PGM5: variants seen among roughly 807,000 people sequenced by gnomAD.
PGM5 encodes phosphoglucomutase 5.
Under a neutral mutation model 59.2 loss-of-function variants are expected in PGM5, and 23 were observed. The ratio of observed to expected loss-of-function variants is 0.39; its 90% CI spans 0.28 to 0.55. PGM5 has a LOEUF of 0.55. PGM5 is among the 20% of genes least tolerant of loss of function. The pLI is 0.66. For synonymous variants in PGM5, 214 were observed against 286.0 expected (o/e 0.75, Z 2.54); for missense variants, 574 against 748.3 (o/e 0.77, Z 2.72).
Position 68,481,847 on chromosome 9 carries a change from G to A in PGM5, c.1296-2018G>A, listed in dbSNP as rs7041626. Reference sequence around the variant, plus strand: ...GGAGGAGAAAATACATAGAATGAAAGGTAAACATTTCCTTCAACCCCCAGC... The same window carrying A: ...GGAGGAGAAAATACATAGAATGAAAAGTAAACATTTCCTTCAACCCCCAGC... On this transcript the variant is annotated intron_variant, in intron 8 of 10. Coordinates refer to ENST00000396396, the MANE Select transcript of PGM5 (RefSeq NM_021965.4). 7.9e-3 allele frequency among the ~76,000 whole-genome samples: 1,206 copies of A among 152,210 alleles called. 11 individuals are homozygous for A. Among genetic ancestry groups the A allele is most frequent in the African/African-American group, 0.028 (1,161 of 41,526 alleles).
intron 1 of PGM5, among the ~76,000 whole-genome samples, chr9:68,375,978 T>C (rs1554677600): frequency 6.6e-6 from 1 of 152,236 alleles, no homozygotes; most frequent in Admixed American, 6.5e-5. Context: ...TCTGTTCCGT[T>C]GTGGCTGGAA....
chr9:68,515,888 G>A (rs573972224), intron 10 of PGM5, among the ~76,000 whole-genome samples: 2 of 152,288 alleles, frequency 1.3e-5, no homozygotes, highest in African/African-American at 4.8e-5. Flanking sequence ...TCTATTAATA[G>A]CAAGTCAGGC....
intron 9 of PGM5, among the ~76,000 whole-genome samples, chr9:68,489,640 T>A (rs1301764184): frequency 2.6e-5 from 4 of 151,954 alleles, no homozygotes; most frequent in African/African-American, 4.8e-5. Context: ...AATTTTTTTA[T>A]ACCCTTAGTA....
chr9:68,529,687 G>GA lies in PGM5; in HGVS notation c.*32dup. ...GGAAAGATCACTCACCAGGGCCAAA[G>GA]AGAGTGCTCAGCGGGAGATGCTTCA... On this transcript the variant is annotated 3_prime_UTR_variant, in exon 11 of 11. Coordinates refer to ENST00000396396, the MANE Select transcript of PGM5 (RefSeq NM_021965.4). 3.6e-6 allele frequency: 5 copies of GA among 1,405,858 alleles called. No homozygotes were observed. Among genetic ancestry groups the GA allele is most frequent in the Non-Finnish European group, 4.9e-6 (5 of 1,015,660 alleles). The allele number at this position is 1,405,858 out of a possible 1,614,324, so 87.1% of individuals were successfully genotyped here. A position where few individuals can be genotyped will look rare whatever the true frequency, so the allele number is the denominator to read the frequency against.
intron 6 of PGM5, among the ~76,000 whole-genome samples, chr9:68,440,727 G>A (rs372057648): frequency 2.6e-5 from 4 of 151,922 alleles, no homozygotes; most frequent in African/African-American, 4.8e-5. Context: ...TAAGAGAAAG[G>A]TTTCACATCA....
intron 9 of PGM5, 136 bp from the exon 10 acceptor site, chr9:68,499,091 C>A: frequency 1.1e-6 from 1 of 896,130 alleles, no homozygotes; most frequent in Non-Finnish European, 1.8e-6. Flanking sequence ...TGCCCTGTAT[C>A]CAGAGCCAAT....
intron 6 of PGM5, among the ~76,000 whole-genome samples, chr9:68,426,277 G>A (rs1389490610): frequency 1.3e-5 from 2 of 151,510 alleles, no homozygotes; most frequent in Admixed American, 1.3e-4. Context: ...AAAAAAAAGA[G>A]GATGTCACAA....
chr9:68,382,202 C>G (rs568866493), intron 2 of PGM5, among the ~76,000 whole-genome samples: 1 of 151,338 alleles, frequency 6.6e-6, no homozygotes, highest in Non-Finnish European at 1.5e-5. Context: ...AATAGAGAGC[C>G]CAGAAATAAA....
intron 6 of PGM5, among the ~76,000 whole-genome samples, chr9:68,436,393 G>A (rs899186593): frequency 4.6e-5 from 7 of 152,294 alleles, no homozygotes; most frequent in Admixed American, 1.3e-4. Context: ...CAAGATGATC[G>A]TGGAAGTTAT....
chr9:68,445,111 A>G (rs1554683929), intron 6 of PGM5, among the ~76,000 whole-genome samples: 1 of 151,632 alleles, frequency 6.6e-6, no homozygotes, highest in Non-Finnish European at 1.5e-5. Flanking sequence ...AGCTGAGTAT[A>G]AAACTGTGTT....
intron 1 of PGM5, among the ~76,000 whole-genome samples, chr9:68,361,703 T>C (rs1407738347): frequency 1.3e-5 from 2 of 152,184 alleles, no homozygotes; most frequent in Non-Finnish European, 2.9e-5. Flanking sequence ...GTCCTTATGA[T>C]CTAATGACCG....
chr9:68,383,659 C>A (rs1822136340), intron 2 of PGM5, among the ~76,000 whole-genome samples: 1 of 136,624 alleles, frequency 7.3e-6, no homozygotes. Context: ...TACTTTAGAT[C>A]TTTCAATCTA....
intron 1 of PGM5, among the ~76,000 whole-genome samples, chr9:68,358,082 T>G (rs1364015328): frequency 6.6e-6 from 1 of 152,194 alleles, no homozygotes; most frequent in Non-Finnish European, 1.5e-5. Flanking sequence ...TGGATCCATT[T>G]GTTTGATGCT....
intron 4 of PGM5, among the ~76,000 whole-genome samples, chr9:68,389,043 C>T (rs1822300002): frequency 6.6e-6 from 1 of 151,570 alleles, no homozygotes. Flanking sequence ...ATTCTATTTC[C>T]CCTTCTCCTC....
chr9:68,467,990 T>C (rs1202777059), intron 7 of PGM5, among the ~76,000 whole-genome samples: 1 of 152,082 alleles, frequency 6.6e-6, no homozygotes, highest in Non-Finnish European at 1.5e-5. Flanking sequence ...ATTTTTTGTG[T>C]TTTTCCCCTA....
chr9:68,407,740 T>C (rs2480128), intron 6 of PGM5, among the ~76,000 whole-genome samples: 3 of 152,324 alleles, frequency 2.0e-5, no homozygotes, highest in Non-Finnish European at 4.4e-5. Context: ...GTGATTTGTG[T>C]GCATATTGTG....
At chr9:68,462,915 T>C (rs1823878878) in intron 6 of PGM5, among the ~76,000 whole-genome samples, 1 of 152,100 alleles carries the variant, frequency 6.6e-6, no homozygotes, top group Non-Finnish European at 1.5e-5. Context: ...ATTATAAAGG[T>C]AAATGAAAAT....
intron 6 of PGM5, among the ~76,000 whole-genome samples, chr9:68,444,081 A>G (rs1359073714): frequency 3.0e-5 from 4 of 134,274 alleles, no homozygotes; most frequent in Admixed American, 7.7e-5. Context: ...TTTTTTTTGG[A>G]TCACTTTGCA....
intron 8 of PGM5, among the ~76,000 whole-genome samples, 193 bp from the exon 9 acceptor site, chr9:68,483,672 T>G (rs1554687307): frequency 6.6e-6 from 1 of 152,156 alleles, no homozygotes; most frequent in Admixed American, 6.5e-5. Flanking sequence ...CATGATTTGA[T>G]TTTTACAAGA....
Sources: allele counts gnomAD v4.1 joint callset (sites outside exome capture counted in the v4.1 genomes callset), GRCh38; gene constraint gnomAD v4.1.1; transcripts MANE v1.5; gene names NCBI Gene and HGNC (gene_info 2026-07-23, HGNC 2026-07-21).